The following RHCE variants were observed in gnomAD, a reference collection of about 807,000 sequenced individuals.
The protein encoded by RHCE is Rh blood group CcEe antigens, also known as blood group Rh(CE) polypeptide.
RHCE carries 22 observed loss-of-function variants against 43.8 expected under a neutral mutation model. The observed-to-expected ratio is 0.50, with a 90% CI of 0.36 to 0.72. The LOEUF is 0.72. Ranked by LOEUF, RHCE falls within the 30% of genes least tolerant of loss-of-function variation. The pLI, the probability that RHCE is intolerant of heterozygous loss-of-function variation, is 0.00. For missense variants in RHCE, 385 were observed against 525.4 expected, an observed-to-expected ratio of 0.73 and a Z score of 2.61; for synonymous variants, 156 against 210.7, an observed-to-expected ratio of 0.74 and a Z score of 2.25.
In RHCE at chr1:25,396,208, T is replaced by C. The variant is rs141587861; in HGVS notation, c.487-4067A>G. On this transcript the variant is annotated intron_variant, in intron 3 of 9. Coordinates refer to ENST00000294413, the MANE Select transcript of RHCE (RefSeq NM_020485.8). The stretch of plus-strand genomic sequence containing the variant: ...GAAACTTCAAAACATGTCAAGGTCA[T>C]GAAAGATAAAGAAAGATGAAGAAAC... 1.6e-3 allele frequency among the ~76,000 whole-genome samples: 245 copies of C among 152,266 alleles called. No homozygotes were observed. The East Asian group carries it at 0.034, about 21-fold the overall frequency.
chr1:25,385,822 C>T lies in RHCE; in HGVS notation c.962G>A (p.Gly321Glu). ...GTGCATGACGGAGATGTGGTGAATC[C>T]CCAGCACTCGGTTACAACACACCTG... ...CLPVCCNRVL[G>E]IHHISVMHSI... The change falls in exon 7 of 10, where the codon GGG (glycine) becomes GAG (glutamate). Residue 321 changes from glycine to glutamate, a missense_variant. Physicochemically the swap from Gly to Glu is moderately conservative, Grantham distance 98. This residue lies in a region of RHCE where 82 missense variants were observed against 69.2 expected (regional missense o/e 1.18). Transcript: ENST00000294413. 1 of 1,613,914 alleles carries T rather than the reference C, an allele frequency of 6.2e-7. No homozygotes were observed. The highest frequency in any genetic ancestry group is 8.5e-7 in the Non-Finnish European group (1 of 1,179,972).
Position 25,375,804 on chromosome 1 carries a change from T to C in RHCE, c.1074-376A>G, listed in dbSNP as rs1240786532. Among the ~76,000 whole-genome samples, 1,264 of 138,584 alleles carry C rather than the reference T, an allele frequency of 9.1e-3. 66 individuals carry two copies. Among genetic ancestry groups the C allele is most frequent in the African/African-American group, 0.035 (1,169 of 33,808 alleles). The allele number at this position is 138,584 out of a possible 152,430, so 90.9% of individuals were successfully genotyped here. On this transcript the variant is annotated intron_variant, in intron 7 of 9. Transcript: ENST00000294413. The stretch of plus-strand genomic sequence containing the variant: ...TTCTCTCTCTCTCTTTTTTTTTTTT[T>C]TTTTTCTGTTTTTGTTTGTGAGATG...
At chr1:25,429,767 G>GT (rs950108978) in intron 1 of RHCE, among the ~76,000 whole-genome samples, 4 of 152,016 alleles carry the variant, frequency 2.6e-5, no homozygotes, top group Non-Finnish European at 5.9e-5. Context: ...ACTCATTGGT[G>GT]TTTTTTCCTT....
chr1:25,385,602 C>T (rs1488646102), intron 7 of RHCE, 109 bp downstream of exon 7: 1 of 1,492,180 alleles, frequency 6.7e-7, no homozygotes, highest in African/African-American at 1.4e-5. Context: ...CCGAAGCCTA[C>T]TGAGCACCTG....
rs1457175235 is a variant in RHCE, at chr1:25,387,544, G to A, written c.939+1432C>T. ...TCAAGGAAACAAGCTCAGGGAATGC[G>A]ATGGGCGCTGAGCCTGATGGTAACT... On this transcript the variant is annotated intron_variant, in intron 6 of 9. Transcript: ENST00000294413. 2.0e-5 allele frequency among the ~76,000 whole-genome samples: 3 copies of A among 152,186 alleles called. No homozygotes were observed. In the East Asian group the frequency reaches 5.8e-4, roughly 29 times the overall value.
intron 6 of RHCE, among the ~76,000 whole-genome samples, chr1:25,387,575 T>C (rs1646217785): frequency 6.6e-6 from 1 of 152,242 alleles, no homozygotes; most frequent in African/African-American, 2.4e-5. Flanking sequence ...TAACTTGCTA[T>C]GTGTTCTTTT....
chr1:25,368,918 G>A (rs764072654), intron 9 of RHCE, among the ~76,000 whole-genome samples: 68 of 151,810 alleles, frequency 4.5e-4, no homozygotes, highest in South Asian at 1.5e-3. Context: ...CTGCCACCAC[G>A]CCTGGCTAAT....
rs1005226207 is a variant in RHCE, at chr1:25,402,593, C to G, written c.486+3G>C. 1 of 1,613,916 alleles carries G rather than the reference C, an allele frequency of 6.2e-7. No individual in the cohort carries two copies. On this transcript the variant is annotated splice_donor_region_variant and intron_variant, in intron 3 of 9. Transcript: ENST00000294413. The stretch of plus-strand genomic sequence containing the variant: ...GGTCCCTCCTCCCAGCACCATGACT[C>G]ACGTTGAAGATATTACTGATGACCA...
intron 9 of RHCE, among the ~76,000 whole-genome samples, chr1:25,369,351 A>C (rs1480400521): frequency 6.6e-6 from 1 of 151,692 alleles, no homozygotes; most frequent in Admixed American, 6.6e-5. Context: ...ACCGGGCAGC[A>C]GCCTGACCAC....
chr1:25,422,126 T>A (rs2042766951), upstream of RHCE, among the ~76,000 whole-genome samples: 1 of 152,192 alleles, frequency 6.6e-6, no homozygotes, highest in South Asian at 2.1e-4. Context: ...ATACCTAAGG[T>A]CATCTAGTCA....
At chr1:25,400,013 A>T (rs1452527654) in intron 3 of RHCE, among the ~76,000 whole-genome samples, 15 of 152,316 alleles carry the variant, frequency 9.8e-5, no homozygotes, top group East Asian at 3.9e-4. Context: ...TAATAATTTT[A>T]AAAAAGATGA....
chr1:25,387,078 C>T (rs1295874996), intron 6 of RHCE, among the ~76,000 whole-genome samples: 4 of 152,096 alleles, frequency 2.6e-5, no homozygotes, highest in African/African-American at 9.7e-5. Context: ...CTCAACTAGC[C>T]CAGGAAGTGT....
chr1:25,393,753 C>T (rs1408858965), intron 3 of RHCE, among the ~76,000 whole-genome samples: 1 of 151,998 alleles, frequency 6.6e-6, no homozygotes, highest in Non-Finnish European at 1.5e-5. Context: ...CTCACCTGAC[C>T]TCTCGGGCGT....
upstream of RHCE, among the ~76,000 whole-genome samples, chr1:25,421,780 G>T (rs1435195539): frequency 1.3e-5 from 2 of 152,198 alleles, no homozygotes; most frequent in South Asian, 4.1e-4. Flanking sequence ...GAGGGAGGAA[G>T]GGATGAAAGA....
intron 1 of RHCE, among the ~76,000 whole-genome samples, chr1:25,414,807 C>G (rs1647254258): frequency 6.6e-6 from 1 of 152,122 alleles, no homozygotes; most frequent in Admixed American, 6.6e-5. Flanking sequence ...GCCATCCCAC[C>G]CCAAACTGCA....
At position 25,390,885 on chromosome 1, in the gene RHCE, C is replaced by T. The variant is rs761487449; in HGVS notation, c.665G>A (p.Ser222Asn). 1 of 1,614,242 alleles carries T rather than the reference C, an allele frequency of 6.2e-7. No individual in the cohort carries two copies. Among genetic ancestry groups the T allele is most frequent in the South Asian group, 1.1e-5 (1 of 91,086 alleles). ...ACTTCTCAGCAGAGCAGAGTTGACA[C>T]TTGGCCAGAACATCCACAAGAAGAG... The part of the protein sequence containing the change: ...GALFLWMFWP[S>N]VNSALLRSPI... Residue 222 changes from serine (S) to asparagine (N), a missense_variant, in exon 5 of 10, where the codon AGT becomes AAT. Ser to Asn is a conservative substitution (Grantham distance 46, BLOSUM62 1). Coordinates refer to ENST00000294413, the MANE Select transcript of RHCE (RefSeq NM_020485.8).
upstream of RHCE, among the ~76,000 whole-genome samples, chr1:25,421,420 G>T (rs183468999): frequency 6.6e-6 from 1 of 152,290 alleles, no homozygotes; most frequent in East Asian, 1.9e-4. Flanking sequence ...GCATTTTAAG[G>T]GGGGGTGGCA....
At chr1:25,420,191 T>C (rs985254586) in intron 1 of RHCE, among the ~76,000 whole-genome samples, 50 of 151,146 alleles carry the variant, frequency 3.3e-4, no homozygotes, top group African/African-American at 1.2e-3. Flanking sequence ...CAAAAAGAAA[T>C]AAGAAATGAG....
At chr1:25,415,481 C>G (rs1426128315) in intron 1 of RHCE, among the ~76,000 whole-genome samples, 1 of 152,016 alleles carries the variant, frequency 6.6e-6, no homozygotes, top group South Asian at 2.1e-4. Context: ...GGAGAAACCC[C>G]GTCTCTACTA....
Sources: allele counts gnomAD v4.1 joint callset (sites outside exome capture counted in the v4.1 genomes callset), GRCh38; gene constraint gnomAD v4.1.1; regional missense constraint gnomAD v4.1.1; transcripts MANE v1.5; gene names NCBI Gene and HGNC (gene_info 2026-07-23, HGNC 2026-07-21).